AHCYL2: variants seen among roughly 807,000 people sequenced by gnomAD.
The protein encoded by AHCYL2 is adenosylhomocysteinase like 2.
AHCYL2 carries 28 observed loss-of-function variants against 81.4 expected under a neutral mutation model. The observed-to-expected ratio is 0.34, with a 90% confidence interval of 0.25 to 0.47. The LOEUF is 0.47. Among genes scored for constraint, AHCYL2 ranks in the 20% least tolerant of loss-of-function variants. The pLI is 1.00. For missense variants in AHCYL2, 551 were observed against 785.1 expected (o/e 0.70, Z 3.56); for synonymous variants, 272 against 290.2 (o/e 0.94, Z 0.64).
Position 129,288,909 on chromosome 7 carries a change from G to A in AHCYL2, c.363+63470G>A, listed in dbSNP as rs577447665. The stretch of plus-strand genomic sequence containing the variant: ...CTCAGCTTCCTGAGTAGCTGCGACT[G>A]CAGGCATGCACCACCACGCCTGGCT... On this transcript the variant is annotated intron_variant, in intron 1 of 16. Transcript: ENST00000325006. 2.7e-5 allele frequency among the ~76,000 whole-genome samples: 4 copies of A among 147,310 alleles called. No individual in the cohort carries two copies. In the East Asian group the frequency reaches 6.2e-4, roughly 23 times the overall value.
chr7:129,405,055 A>G (rs540500825), intron 7 of AHCYL2, 42 bp from the exon 8 acceptor site: 1 of 1,329,858 alleles, frequency 7.5e-7, no homozygotes, highest in South Asian at 1.3e-5. Context: ...GGTAGATTGT[A>G]ATGTCCTGGT....
chr7:129,357,763 T>A (rs1171877103), intron 1 of AHCYL2, among the ~76,000 whole-genome samples: 3 of 151,370 alleles, frequency 2.0e-5, no homozygotes, highest in Non-Finnish European at 4.4e-5. Context: ...TGAAACCGCA[T>A]CTCTACTAAA....
Position 129,240,910 on chromosome 7 carries a change from G to A in AHCYL2, c.363+15471G>A, listed in dbSNP as rs192153573. On this transcript the variant is annotated intron_variant, in intron 1 of 16. Transcript: ENST00000325006. ...ATTTTCATTTTTTTTTAACCTGTGG[G>A]TCATTCATGGTATAGGTTTGCGTAG... 9.9e-5 allele frequency among the ~76,000 whole-genome samples: 15 copies of A among 152,214 alleles called. No individual in the cohort carries two copies. The East Asian group carries it at 2.7e-3, about 27-fold the overall frequency.
chr7:129,304,744 C>T (rs1244864503), intron 1 of AHCYL2, among the ~76,000 whole-genome samples: 1 of 151,756 alleles, frequency 6.6e-6, no homozygotes, highest in East Asian at 1.9e-4. Flanking sequence ...TATTTTTTTT[C>T]ATCCTTTCAT....
chr7:129,400,244 C>T, intron 5 of AHCYL2, 46 bp from the exon 6 acceptor site: 1 of 1,559,706 alleles, frequency 6.4e-7, no homozygotes, highest in Admixed American at 1.7e-5. Context: ...AGGGGGTCAG[C>T]CTTTTTTGGT....
chr7:129,298,993 G>A (rs561826112), intron 1 of AHCYL2, among the ~76,000 whole-genome samples: 2 of 151,616 alleles, frequency 1.3e-5, no homozygotes, highest in South Asian at 2.1e-4. Context: ...TTATTGTAGC[G>A]AAAAAAAGTA....
At chr7:129,276,736 C>CAAAAAAAAAAAAAAA (rs374792572) in intron 1 of AHCYL2, among the ~76,000 whole-genome samples, 1 of 125,026 alleles carries the variant, frequency 8.0e-6, no homozygotes, top group Non-Finnish European at 1.6e-5. Flanking sequence ...GCAACTGTCT[C>CAAAAAAAAAAAAAAA]AAAAAAAAAA....
At chr7:129,254,974 C>T (rs1795362376) in intron 1 of AHCYL2, among the ~76,000 whole-genome samples, 1 of 152,066 alleles carries the variant, frequency 6.6e-6, no homozygotes, top group Non-Finnish European at 1.5e-5. Flanking sequence ...CTAATAGTAG[C>T]TACATTAAAA....
chr7:129,324,503 A>T (rs184229177), intron 1 of AHCYL2, among the ~76,000 whole-genome samples: 19 of 151,996 alleles, frequency 1.3e-4, no homozygotes, highest in African/African-American at 4.3e-4. Context: ...TTTTACCTCC[A>T]TATTGGCTTA....
At chr7:129,381,189 T>C (rs1425990954) in intron 2 of AHCYL2, among the ~76,000 whole-genome samples, 1 of 152,172 alleles carries the variant, frequency 6.6e-6, no homozygotes, top group Non-Finnish European at 1.5e-5. Flanking sequence ...TATCTAAAGA[T>C]TGATACTAAA....
chr7:129,425,034 C>T, intron 14 of AHCYL2, 29 bp from the exon 15 acceptor site: 3 of 1,611,270 alleles, frequency 1.9e-6, no homozygotes, highest in Non-Finnish European at 1.7e-6. Context: ...ATGAATGGCA[C>T]ATCAGCATCC....
chr7:129,225,115 G>C lies in AHCYL2; in HGVS notation c.39G>C (p.Lys13Asn). ...VQVVSAAAAA[K>N]VPEVELKDLS... ...TTGTGTCAGCCGCGGCTGCCGCCAA[G>C]GTGCCTGAGGTGGAGCTGAAGGACC... The change falls in exon 1 of 17, where the codon AAG becomes AAC. Residue 13 changes from lysine to asparagine, a missense_variant. Physicochemically the swap from Lys to Asn is moderately conservative, Grantham distance 94. Coordinates refer to ENST00000325006, the MANE Select transcript of AHCYL2 (RefSeq NM_015328.4). 1 of 1,601,530 alleles carries C rather than the reference G, an allele frequency of 6.2e-7. No homozygotes were observed. Among genetic ancestry groups the C allele is most frequent in the Non-Finnish European group, 8.5e-7 (1 of 1,175,280 alleles).
intron 1 of AHCYL2, among the ~76,000 whole-genome samples, chr7:129,233,566 CA>C (rs1794526055): frequency 6.6e-6 from 1 of 152,138 alleles, no homozygotes; most frequent in Non-Finnish European, 1.5e-5. Context: ...CCGCTCACTG[CA>C]ACCTCCGCCT....
intron 2 of AHCYL2, among the ~76,000 whole-genome samples, chr7:129,381,774 C>G (rs1794965065): frequency 6.6e-6 from 1 of 152,044 alleles, no homozygotes; most frequent in South Asian, 2.1e-4. Context: ...TCATCTGGAT[C>G]TATTTCAGAT....
chr7:129,413,535 T>G, intron 11 of AHCYL2, 59 bp from the exon 12 acceptor site: 1 of 1,311,400 alleles, frequency 7.6e-7, no homozygotes, highest in Non-Finnish European at 1.1e-6. Context: ...CACATTTATT[T>G]TCTCATTCTG....
At chr7:129,246,796 C>T (rs1043377903) in intron 1 of AHCYL2, among the ~76,000 whole-genome samples, 2 of 152,176 alleles carry the variant, frequency 1.3e-5, no homozygotes, top group Non-Finnish European at 2.9e-5. Context: ...CATGCCTTTT[C>T]TGGAAATTTC....
At chr7:129,371,370 A>T (rs989248252) in intron 1 of AHCYL2, among the ~76,000 whole-genome samples, 1 of 152,224 alleles carries the variant, frequency 6.6e-6, no homozygotes, top group Non-Finnish European at 1.5e-5. Flanking sequence ...CTCACACCAC[A>T]TATAACAGCT....
intron 1 of AHCYL2, among the ~76,000 whole-genome samples, chr7:129,279,362 T>C (rs1386939673): frequency 6.6e-6 from 1 of 152,170 alleles, no homozygotes; most frequent in African/African-American, 2.4e-5. Context: ...TTGGCCAGGC[T>C]GGTCTCACAC....
At chr7:129,359,600 C>T (rs1793861272) in intron 1 of AHCYL2, among the ~76,000 whole-genome samples, 1 of 152,242 alleles carries the variant, frequency 6.6e-6, no homozygotes, top group Non-Finnish European at 1.5e-5. Context: ...CAACCTCCAG[C>T]TCAGTGATAA....
Sources: gnomAD v4.1 joint callset for allele counts (sites outside exome capture counted in the v4.1 genomes callset) on GRCh38, gnomAD v4.1.1 for gene constraint, MANE v1.5 for transcripts, NCBI Gene and HGNC (gene_info 2026-07-23, HGNC 2026-07-21) for gene names.